The following ABTB2 variants were observed in gnomAD, a reference collection of about 807,000 sequenced individuals.
ABTB2 encodes the protein ankyrin repeat and BTB domain containing 2.
In ABTB2, 56 loss-of-function variants were observed where a neutral mutation model predicts 104.1. The ratio of observed to expected loss-of-function variants is 0.54; its 90% confidence interval spans 0.43 to 0.67. The LOEUF is 0.67. ABTB2 is among the 30% of genes least tolerant of loss of function. The pLI is 0.00. For synonymous variants in ABTB2, 606 were observed against 608.2 expected, an observed-to-expected ratio of 1.00 and a Z score of 0.05; for missense variants, 1,279 against 1,407.7, an observed-to-expected ratio of 0.91 and a Z score of 1.46.
At chr11:34,330,495 G>A (rs1022728601) in intron 1 of ABTB2, among the ~76,000 whole-genome samples, 11 of 152,246 alleles carry the variant, frequency 7.2e-5, no homozygotes, top group African/African-American at 2.4e-4. Context: ...TAATAGCTGT[G>A]AGATCAAATG....
At chr11:34,316,183 CA>C (rs1244952470) in intron 1 of ABTB2, among the ~76,000 whole-genome samples, 4 of 152,208 alleles carry the variant, frequency 2.6e-5, no homozygotes, top group Non-Finnish European at 5.9e-5. Flanking sequence ...GGAGGGGAGA[CA>C]GCCCTCACTG....
At chr11:34,337,774 T>C (rs1855209180) in intron 1 of ABTB2, among the ~76,000 whole-genome samples, 1 of 152,082 alleles carries the variant, frequency 6.6e-6, no homozygotes, top group Non-Finnish European at 1.5e-5. Context: ...TAACAACCTA[T>C]ATTTTTATCA....
At chr11:34,205,036 C>T (rs1411603874) in intron 1 of ABTB2, among the ~76,000 whole-genome samples, 1 of 152,152 alleles carries the variant, frequency 6.6e-6, no homozygotes, top group Non-Finnish European at 1.5e-5. Flanking sequence ...GCCCAGGCTC[C>T]TGGATCATAC....
intron 14 of ABTB2, among the ~76,000 whole-genome samples, chr11:34,155,962 C>T (rs958344909): frequency 6.6e-5 from 10 of 152,366 alleles, no homozygotes; most frequent in African/African-American, 2.4e-4. Flanking sequence ...CCAGCAGGAG[C>T]AGTGCCTGGA....
intron 1 of ABTB2, among the ~76,000 whole-genome samples, chr11:34,244,815 T>C (rs1211668751): frequency 1.3e-5 from 2 of 152,080 alleles, no homozygotes; most frequent in African/African-American, 4.8e-5. Flanking sequence ...CGAGACCAGC[T>C]TGGGTTACAT....
chr11:34,336,836 T>C (rs1855197899), intron 1 of ABTB2, among the ~76,000 whole-genome samples: 1 of 151,964 alleles, frequency 6.6e-6, no homozygotes, highest in African/African-American at 2.4e-5. Flanking sequence ...ATCACCATCA[T>C]CATGACTAAC....
At position 34,162,703 on chromosome 11, in the gene ABTB2, C is replaced by G; in HGVS notation, c.2091G>C (p.Ser697=). The stretch of plus-strand genomic sequence containing the variant: ...GCCCCTCGCTGCCACTGCCCTGGCT[C>G]GACGCATCACTTTCCTCCACACCCT... ...LAEGVEESDA[S]SQGSGSEGPV... is the part of the protein sequence containing the mutation. Residue 697 remains serine (S), a synonymous_variant, in exon 10 of 17, where the codon TCG becomes TCC. Coordinates refer to ENST00000435224, the MANE Select transcript of ABTB2 (RefSeq NM_145804.3). 6.2e-7 allele frequency: 1 copy of G among 1,612,748 alleles called. No homozygotes were observed. Among genetic ancestry groups the G allele is most frequent in the Non-Finnish European group, 8.5e-7 (1 of 1,180,044 alleles).
At chr11:34,249,593 C>G (rs2133068103) in intron 1 of ABTB2, among the ~76,000 whole-genome samples, 1 of 152,292 alleles carries the variant, frequency 6.6e-6, no homozygotes, top group East Asian at 1.9e-4. Context: ...CTTGACCCCA[C>G]TACCCCACTT....
At chr11:34,298,547 C>T (rs146884716) in intron 1 of ABTB2, among the ~76,000 whole-genome samples, 64 of 152,044 alleles carry the variant, frequency 4.2e-4, no homozygotes, top group African/African-American at 1.5e-3. Context: ...ACTACAAGCT[C>T]CACCTCTTGG....
At chr11:34,218,949 T>C (rs141500137) in intron 1 of ABTB2, among the ~76,000 whole-genome samples, 378 of 151,912 alleles carry the variant, frequency 2.5e-3, no homozygotes, top group African/African-American at 8.7e-3. Flanking sequence ...CTGGGCTCTC[T>C]ATTCTGTTCC....
At chr11:34,321,562 C>G (rs1441202260) in intron 1 of ABTB2, among the ~76,000 whole-genome samples, 1 of 152,188 alleles carries the variant, frequency 6.6e-6, no homozygotes, top group Non-Finnish European at 1.5e-5. Context: ...ACAGCCAGGG[C>G]GTTATTGTCT....
At chr11:34,181,128 C>T (rs1486888564) in intron 3 of ABTB2, among the ~76,000 whole-genome samples, 1 of 152,152 alleles carries the variant, frequency 6.6e-6, no homozygotes, top group East Asian at 1.9e-4. Flanking sequence ...TTGTCTCAAT[C>T]TCTTGACCTC....
rs979843011 is a variant in ABTB2, at chr11:34,252,065, G to A, written c.884-47375C>T. 2.0e-5 allele frequency among the ~76,000 whole-genome samples: 3 copies of A among 152,106 alleles called. No homozygotes were observed. The highest frequency in any genetic ancestry group is 7.2e-5 in the African/African-American group (3 of 41,422). ...CCCAGGGGCTTGCAATCCCAGGGAA[G>A]AGGAGAGTTTCATGAAAGCTGCAAA... On this transcript the variant is annotated intron_variant, in intron 1 of 16. Coordinates refer to ENST00000435224, the MANE Select transcript of ABTB2 (RefSeq NM_145804.3). This position sits in a 1 kb window ranked among gnomAD's most constrained non-coding sequence, Gnocchi z 5.5.
chr11:34,178,632 A>G (rs2955940), intron 3 of ABTB2, among the ~76,000 whole-genome samples: 15,618 of 152,224 alleles, frequency 0.1, 839 homozygotes, highest in South Asian at 0.13. Context: ...GAATGCAGAT[A>G]TCTGCAGGGC....
intron 1 of ABTB2, chr11:34,335,526 TC>T (rs1388097088): frequency 1.7e-6 from 2 of 1,167,304 alleles, no homozygotes; most frequent in African/African-American, 1.5e-5. Flanking sequence ...TGATTCAAAA[TC>T]TTTTCGCCAC....
At position 34,277,488 on chromosome 11, in the gene ABTB2, A is replaced by AG. The variant is rs560083158; in HGVS notation, c.884-72799_884-72798insC. 2.9e-3 allele frequency among the ~76,000 whole-genome samples: 439 copies of AG among 152,048 alleles called. 3 individuals are homozygous for AG. The highest frequency in any genetic ancestry group is 0.01 in the African/African-American group (423 of 41,452). On this transcript the variant is annotated intron_variant, in intron 1 of 16. Transcript: ENST00000435224. ...TCCTAAATGTCTTATTTAAAAAAAAAAACAAACAGATTTGGCTGGGTACGG... is the reference window on the plus strand; with the variant it reads ...TCCTAAATGTCTTATTTAAAAAAAAAGAACAAACAGATTTGGCTGGGTACGG...
chr11:34,356,981 G>A lies in ABTB2; in HGVS notation c.603C>T (p.Cys201=). 1.9e-6 allele frequency: 3 copies of A among 1,590,142 alleles called. No homozygotes were observed. Among genetic ancestry groups the A allele is most frequent in the Non-Finnish European group, 1.7e-6 (2 of 1,170,092 alleles). The change falls in exon 1 of 17, where the codon TGC becomes TGT. Residue 201 remains cysteine, a synonymous_variant. Transcript: ENST00000435224. This position sits in a 1 kb window ranked among gnomAD's most constrained non-coding sequence, Gnocchi z 4.6. The part of the protein sequence containing the change: ...DGLRRGKSAR[C]GLTFSVGRFF... ...AGCGACCCACTGAGAAGGTGAGGCC[G>A]CAGCGCGCGGACTTGCCCCGGCGCA...
chr11:34,216,635 C>T (rs1018397749), intron 1 of ABTB2, among the ~76,000 whole-genome samples: 9 of 152,110 alleles, frequency 5.9e-5, no homozygotes, highest in Non-Finnish European at 1.2e-4. Context: ...CCTGTAATCC[C>T]AGCTACTCAG....
intron 1 of ABTB2, among the ~76,000 whole-genome samples, chr11:34,211,938 G>C (rs1231251471): frequency 6.9e-6 from 1 of 145,938 alleles, no homozygotes; most frequent in Non-Finnish European, 1.5e-5. Flanking sequence ...TAATCAAAAA[G>C]TCATCTAATA....
Sources: allele counts gnomAD v4.1 joint callset (sites outside exome capture counted in the v4.1 genomes callset), GRCh38; gene constraint gnomAD v4.1.1; non-coding constraint Gnocchi (gnomAD v3.1); transcripts MANE v1.5; gene names NCBI Gene and HGNC (gene_info 2026-07-23, HGNC 2026-07-21).